The following PLCH1 variants were observed in gnomAD, a reference collection of about 807,000 sequenced individuals.
The protein encoded by PLCH1 is 1-phosphatidylinositol 4,5-bisphosphate phosphodiesterase eta-1.
PLCH1 carries 60 observed loss-of-function variants against 126.7 expected under a neutral mutation model. That is an observed-to-expected ratio of 0.47 (90% CI 0.38 to 0.59). PLCH1 has a LOEUF of 0.59. Among genes scored for constraint, PLCH1 ranks in the 20% least tolerant of loss-of-function variants. PLCH1 has a pLI of 0.00. For missense variants in PLCH1, 1,723 were observed against 2,040.0 expected, an observed-to-expected ratio of 0.84 and a Z score of 2.99; for synonymous variants, 719 against 734.9, an observed-to-expected ratio of 0.98 and a Z score of 0.35.
intron 2 of PLCH1, among the ~76,000 whole-genome samples, chr3:155,681,064 TG>T (rs1245271155): frequency 1.3e-5 from 2 of 152,092 alleles, no homozygotes; most frequent in African/African-American, 2.4e-5. Flanking sequence ...TAAAAACATA[TG>T]AAAAAAATGT....
chr3:155,544,800 C>A (rs1310723806), intron 10 of PLCH1, among the ~76,000 whole-genome samples: 13 of 150,114 alleles, frequency 8.7e-5, no homozygotes, highest in African/African-American at 9.8e-5. Context: ...GGGTACATAA[C>A]GAAATGAAGG....
intron 2 of PLCH1, among the ~76,000 whole-genome samples, chr3:155,619,297 C>T: frequency 1.3e-5 from 1 of 76,500 alleles, no homozygotes; most frequent in East Asian, 6.2e-4. Context: ...GGGCAGTGTA[C>T]AGTACAGGAG....
intron 1 of PLCH1, chr3:155,743,470 T>G: frequency 2.4e-6 from 1 of 421,558 alleles, no homozygotes; most frequent in African/African-American, 2.1e-5. Context: ...AGGCGGAGGT[T>G]GCAGTGAGCC....
chr3:155,460,583 C>T (rs762576901), intron 21 of PLCH1, among the ~76,000 whole-genome samples: 3 of 151,972 alleles, frequency 2.0e-5, no homozygotes, highest in Non-Finnish European at 4.4e-5. Context: ...CAGTGTTAGC[C>T]CCCCCTCCAG....
At chr3:155,520,859 T>C (rs1193708671) in intron 11 of PLCH1, among the ~76,000 whole-genome samples, 1 of 152,200 alleles carries the variant, frequency 6.6e-6, no homozygotes, top group Non-Finnish European at 1.5e-5. Context: ...ATTCAGTTAA[T>C]TCAACAACAG....
chr3:155,655,079 A>G (rs1285612479), intron 2 of PLCH1, among the ~76,000 whole-genome samples: 1 of 151,944 alleles, frequency 6.6e-6, no homozygotes, highest in Non-Finnish European at 1.5e-5. Context: ...TCACTCCCTC[A>G]CTTTATCCAG....
chr3:155,595,720 C>T (rs941555622), intron 3 of PLCH1, among the ~76,000 whole-genome samples: 6 of 152,150 alleles, frequency 3.9e-5, no homozygotes, highest in African/African-American at 1.4e-4. Context: ...ATGTATCTAT[C>T]TATCTATCTA....
At chr3:155,725,788 TAAC>T (rs1408219690) in intron 1 of PLCH1, among the ~76,000 whole-genome samples, 1 of 152,202 alleles carries the variant, frequency 6.6e-6, no homozygotes, top group East Asian at 1.9e-4. Context: ...TCATCCACTC[TAAC>T]AATCTTTGGT....
intron 1 of PLCH1, among the ~76,000 whole-genome samples, chr3:155,721,879 C>T (rs919466881): frequency 6.6e-6 from 1 of 152,062 alleles, no homozygotes; most frequent in Non-Finnish European, 1.5e-5. Context: ...GAAACCTCAT[C>T]TCTACTAAAA....
intron 10 of PLCH1, among the ~76,000 whole-genome samples, chr3:155,543,995 C>A (rs186132921): frequency 6.6e-6 from 1 of 151,664 alleles, no homozygotes; most frequent in Non-Finnish European, 1.5e-5. Flanking sequence ...GAGCAAATAA[C>A]CAGCTAACAT....
intron 10 of PLCH1, among the ~76,000 whole-genome samples, chr3:155,543,449 G>C (rs1254782661): frequency 2.0e-5 from 3 of 152,180 alleles, no homozygotes; most frequent in African/African-American, 7.2e-5. Flanking sequence ...ATGGAACCAA[G>C]TTGGAAAACA....
At chr3:155,704,367 A>G in intron 1 of PLCH1, 103 bp from the exon 2 acceptor site, 1 of 397,824 alleles carries the variant, frequency 2.5e-6, no homozygotes, top group Non-Finnish European at 4.4e-6. Context: ...GGGGCAACAT[A>G]TACGGCATAC....
intron 10 of PLCH1, 72 bp from the exon 11 acceptor site, chr3:155,524,076 A>C: frequency 1.1e-6 from 1 of 885,442 alleles, no homozygotes; most frequent in African/African-American, 1.7e-5. Context: ...GAAGTAACCC[A>C]AGCATCCATT....
intron 1 of PLCH1, among the ~76,000 whole-genome samples, chr3:155,738,566 G>A (rs965584164): frequency 4.6e-5 from 7 of 152,006 alleles, no homozygotes; most frequent in Non-Finnish European, 8.8e-5. Context: ...GGCGGGTCAC[G>A]AGGTCAGGAG....
At chr3:155,505,613 A>C (rs1323944534) in intron 12 of PLCH1, among the ~76,000 whole-genome samples, 1 of 152,214 alleles carries the variant, frequency 6.6e-6, no homozygotes, top group East Asian at 1.9e-4. Flanking sequence ...GATTGGGTGG[A>C]GTCCAAGAAC....
At chr3:155,512,073 G>A (rs1163566010) in intron 12 of PLCH1, among the ~76,000 whole-genome samples, 1 of 149,776 alleles carries the variant, frequency 6.7e-6, no homozygotes, top group African/African-American at 2.5e-5. Context: ...TTCTTAAGCC[G>A]GTCTGAAAAG....
At position 155,557,700 on chromosome 3, in the gene PLCH1, C is replaced by T. The variant is rs1166644551; in HGVS notation, c.1070-3504G>A. On this transcript the variant is annotated intron_variant, in intron 8 of 22. Coordinates refer to ENST00000460012, the MANE Select transcript of PLCH1 (RefSeq NM_014996.4). ...AGAAATCCTCTGTCCAATTCCCCTG[C>T]TCATAAAAGAGCCGGGGCCCATTTT... 2.0e-5 allele frequency among the ~76,000 whole-genome samples: 3 copies of T among 152,144 alleles called. No individual in the cohort carries two copies. The East Asian group carries it at 5.8e-4, about 29-fold the overall frequency.
At chr3:155,486,397 C>T (rs1003691862) in intron 21 of PLCH1, among the ~76,000 whole-genome samples, 4 of 151,832 alleles carry the variant, frequency 2.6e-5, no homozygotes, top group African/African-American at 4.8e-5. Context: ...GATCCCAACC[C>T]GAACACATCT....
intron 21 of PLCH1, among the ~76,000 whole-genome samples, chr3:155,472,347 C>T (rs201395890): frequency 6.6e-6 from 1 of 152,238 alleles, no homozygotes; most frequent in African/African-American, 2.4e-5. Context: ...ATAAATTCCT[C>T]GACACATACA....
Sources: gnomAD v4.1 joint callset for allele counts (sites outside exome capture counted in the v4.1 genomes callset) on GRCh38, gnomAD v4.1.1 for gene constraint, MANE v1.5 for transcripts, NCBI Gene and HGNC (gene_info 2026-07-23, HGNC 2026-07-21) for gene names.